Variants in MEGF6 observed in about 807,000 individuals in gnomAD.
MEGF6 encodes multiple epidermal growth factor-like domains protein 6.
Under a neutral mutation model 207.1 loss-of-function variants are expected in MEGF6, and 184 were observed. The observed-to-expected ratio is 0.89, with a 90% confidence interval of 0.79 to 1.00. MEGF6 has a LOEUF of 1.00. MEGF6 is among the 50% of genes least tolerant of loss of function. The probability of loss-of-function intolerance (pLI) is 0.00; values close to 1 mark genes in which losing one functional copy is unlikely to be tolerated. For synonymous variants in MEGF6, 1,038 were observed against 910.0 expected, an observed-to-expected ratio of 1.14 and a Z score of -2.53; for missense variants, 2,282 against 2,202.9, an observed-to-expected ratio of 1.04 and a Z score of -0.72.
At position 3,595,614 on chromosome 1, in the gene MEGF6, T is replaced by G. The variant is rs532053374; in HGVS notation, c.267-167A>C. ...TGGCTGATGCCAATGCCCAGCCAGG[T>G]TCTTCTGAACGAGGGGGCAGCATGG... On this transcript the variant is annotated intron_variant, in intron 2 of 36. Coordinates refer to ENST00000356575, the MANE Select transcript of MEGF6 (RefSeq NM_001409.4). 9.9e-5 allele frequency among the ~76,000 whole-genome samples: 15 copies of G among 152,210 alleles called. No individual in the cohort carries two copies. The South Asian group carries it at 2.1e-3, about 21-fold the overall frequency.
At chr1:3,566,868 C>T (rs969684522) in intron 4 of MEGF6, among the ~76,000 whole-genome samples, 1 of 152,224 alleles carries the variant, frequency 6.6e-6, no homozygotes, top group Non-Finnish European at 1.5e-5. Flanking sequence ...CCTCTCTCCT[C>T]CAGCCTCAGA....
chr1:3,515,284 C>CA, intron 6 of MEGF6, 118 bp downstream of exon 6: 2 of 1,257,270 alleles, frequency 1.6e-6, no homozygotes, highest in South Asian at 2.9e-5. Flanking sequence ...CCATCCCTAC[C>CA]AGGCCTCTCA....
chr1:3,562,260 CTCTG>C (rs1482175114), intron 4 of MEGF6, among the ~76,000 whole-genome samples: 1 of 152,160 alleles, frequency 6.6e-6, no homozygotes, highest in African/African-American at 2.4e-5. Context: ...GTCTCTTTGT[CTCTG>C]TCTTTTTCTC....
chr1:3,524,110 C>G lies in MEGF6; in HGVS notation c.604+14G>C. 1 of 1,609,740 alleles carries G rather than the reference C, an allele frequency of 6.2e-7. No individual in the cohort carries two copies. The highest frequency in any genetic ancestry group is 8.5e-7 in the Non-Finnish European group (1 of 1,178,196). On this transcript the variant is annotated intron_variant, in intron 5 of 36. Coordinates refer to ENST00000356575, the MANE Select transcript of MEGF6 (RefSeq NM_001409.4). ...AAGCCAGGAGCCCAGGCAGGGTCTC[C>G]AGGCGACACTCACCCAGGCAGGTCC... is the stretch of plus-strand genomic sequence containing the variant.
chr1:3,553,637 G>A (rs547000061), intron 4 of MEGF6, among the ~76,000 whole-genome samples: 1 of 152,342 alleles, frequency 6.6e-6, no homozygotes, highest in South Asian at 2.1e-4. Flanking sequence ...TTCCCAGCCT[G>A]CAGTACTGGT....
intron 1 of MEGF6, 34 bp from the exon 2 acceptor site, chr1:3,602,634 C>A (rs1331491881): frequency 3.2e-6 from 5 of 1,573,082 alleles, no homozygotes; most frequent in Admixed American, 3.5e-5. Context: ...AGCGCCTCGG[C>A]CACCCCCAGC....
Position 3,498,487 on chromosome 1 carries a change from C to T in MEGF6, c.3236G>A (p.Arg1079Gln), listed in dbSNP as rs758462490. The change falls in exon 26 of 37, where the codon CGG becomes CAG. Residue 1079 changes from arginine to glutamine, a missense_variant. Arg to Gln is a conservative substitution (Grantham distance 43). Transcript: ENST00000356575. ...GLACEKECLPRDVRAGCRHSG... is the reference protein window; with the variant it reads ...GLACEKECLPQDVRAGCRHSG... ...GTGCCGGCAGCCAGCTCTGACGTCC[C>T]GGGGGAGGCACTCTACAGGAGCAGA... The T allele has an allele frequency of 6.5e-5, 103 of 1,577,802 alleles. No homozygotes were observed. In the Admixed American group the frequency reaches 6.9e-4, roughly 11 times the overall value.
intron 2 of MEGF6, among the ~76,000 whole-genome samples, chr1:3,598,729 C>CCCCA (rs1644112804): frequency 2.1e-5 from 3 of 142,580 alleles, no homozygotes; most frequent in African/African-American, 7.6e-5. Flanking sequence ...CCCCCCCCCC[C>CCCCA]CCGGGGCCCA....
chr1:3,526,831 G>C (rs1641982053), intron 4 of MEGF6, among the ~76,000 whole-genome samples: 1 of 152,200 alleles, frequency 6.6e-6, no homozygotes, highest in Non-Finnish European at 1.5e-5. Flanking sequence ...TCTTCCAAAA[G>C]CTATGAGCCG....
At chr1:3,580,090 G>T (rs1359419888) in intron 3 of MEGF6, among the ~76,000 whole-genome samples, 161 bp from the exon 4 acceptor site, 8 of 152,136 alleles carry the variant, frequency 5.3e-5, no homozygotes, top group Non-Finnish European at 1.2e-4. Context: ...ACCAATGGAG[G>T]CTGGCGTGTC....
chr1:3,502,623 G>A (rs1417343497), intron 17 of MEGF6, among the ~76,000 whole-genome samples: 1 of 152,120 alleles, frequency 6.6e-6, no homozygotes, highest in East Asian at 1.9e-4. Context: ...GGAGCACAGA[G>A]GCCAGGGAGT....
rs1644045747 is a variant in MEGF6 at position 3,595,358 on chromosome 1, T to C, written c.356A>G (p.Asp119Gly). Residue 119 changes from aspartate (D) to glycine (G), a missense_variant, in exon 3 of 37, where the codon GAC (aspartate) becomes GGC (glycine). Transcript: ENST00000356575. ...CTCACCCGAGAGGCAGCCCTCCTCG[T>C]CGGGCTGCTGCATCCACCCTCGGCA... ...RCCRGWMQQPDEEGCLSAECS... is the reference protein window; with the variant it reads ...RCCRGWMQQPGEEGCLSAECS... The C allele has an allele frequency of 1.3e-6, 2 of 1,592,140 alleles. No individual in the cohort carries two copies. Among genetic ancestry groups the C allele is most frequent in the African/African-American group, 1.3e-5 (1 of 74,322 alleles).
chr1:3,501,976 G>T (rs1640894979), intron 17 of MEGF6, 55 bp from the exon 18 acceptor site: 5 of 1,108,066 alleles, frequency 4.5e-6, no homozygotes, highest in South Asian at 1.9e-5. Context: ...GGACTGACCA[G>T]AGCCTTTCCC....
intron 4 of MEGF6, among the ~76,000 whole-genome samples, chr1:3,544,059 G>T (rs762301618): frequency 1.3e-5 from 2 of 152,176 alleles, no homozygotes; most frequent in Non-Finnish European, 2.9e-5. Flanking sequence ...CGCACCACTC[G>T]CTGACACAGG....
intron 1 of MEGF6, among the ~76,000 whole-genome samples, chr1:3,602,828 C>G (rs1277669063): frequency 6.6e-6 from 1 of 152,198 alleles, no homozygotes; most frequent in African/African-American, 2.4e-5. Flanking sequence ...ACATCCCCCA[C>G]GCATGGCCCA....
intron 5 of MEGF6, among the ~76,000 whole-genome samples, chr1:3,523,075 G>A (rs1048936006): frequency 3.2e-5 from 1 of 31,658 alleles, no homozygotes; most frequent in African/African-American, 9.7e-5. Flanking sequence ...AGTGTGTGCC[G>A]GGGGGGGGGC....
intron 4 of MEGF6, among the ~76,000 whole-genome samples, chr1:3,550,061 G>A (rs1015919166): frequency 6.6e-6 from 1 of 152,160 alleles, no homozygotes; most frequent in Non-Finnish European, 1.5e-5. Context: ...GTGGTGAGGG[G>A]AAGGCTCCAT....
Position 3,497,214 on chromosome 1 carries a change from G to A in MEGF6, c.3481+19C>T, listed in dbSNP as rs1162784377. The A allele has an allele frequency of 6.5e-7, 1 of 1,529,840 alleles. No homozygotes were observed. 94.8% of individuals were successfully genotyped at this position (1,529,840 alleles called of 1,614,324 possible). On this transcript the variant is annotated intron_variant, in intron 27 of 36. Coordinates refer to ENST00000356575, the MANE Select transcript of MEGF6 (RefSeq NM_001409.4). Reference sequence around the variant, plus strand: ...CCCTGCCCAGCCGCTCCTCGGGGTGGGGGCTTGGGAGCACCTACCCTGCTC... The same window carrying A: ...CCCTGCCCAGCCGCTCCTCGGGGTGAGGGCTTGGGAGCACCTACCCTGCTC...
chr1:3,605,379 T>A (rs1644230285), intron 1 of MEGF6, among the ~76,000 whole-genome samples: 1 of 150,550 alleles, frequency 6.6e-6, no homozygotes, highest in Non-Finnish European at 1.5e-5. Context: ...TCAATCACAC[T>A]CACTACCATA....
Sources: allele counts gnomAD v4.1 joint callset (sites outside exome capture counted in the v4.1 genomes callset), GRCh38; gene constraint gnomAD v4.1.1; transcripts MANE v1.5; gene names NCBI Gene and HGNC (gene_info 2026-07-23, HGNC 2026-07-21).